The following STX11 variants were observed in gnomAD, a reference collection of about 807,000 sequenced individuals.
STX11 encodes syntaxin 11.
A neutral mutation model predicts 19.9 loss-of-function variants in STX11; 21 were observed. The observed-to-expected ratio is 1.06, with a 90% CI of 0.75 to 1.52. The LOEUF (loss-of-function observed/expected upper bound fraction) is 1.52. STX11 is among the 40% of genes most tolerant of loss of function. The pLI is 0.00. For missense variants in STX11, 438 were observed against 405.9 expected, an observed-to-expected ratio of 1.08 and a Z score of -0.68; for synonymous variants, 193 against 174.4, an observed-to-expected ratio of 1.11 and a Z score of -0.84.
At position 144,165,683 on chromosome 6, in the gene STX11, C is replaced by T. The variant is rs1352446946; in HGVS notation, c.-6+14980C>T. On this transcript the variant is annotated intron_variant, in intron 1 of 1. Coordinates refer to ENST00000367568, the MANE Select transcript of STX11 (RefSeq NM_003764.4). The surrounding 1 kb of genome is among the most constrained non-coding windows in gnomAD (Gnocchi z 5.8). ...ATCATTTTAGATCGTATCATCTGCA[C>T]ATGCTTCCAAAGGAGTGGTACTTAT... Among the ~76,000 whole-genome samples the T allele has an allele frequency of 2.0e-5, 3 of 152,186 alleles. No individual in the cohort carries two copies. The highest frequency in any genetic ancestry group is 4.4e-5 in the Non-Finnish European group (3 of 68,036).
rs1801911228 is a variant in STX11, at chr6:144,181,541, G to A, written c.-5-5082G>A. On this transcript the variant is annotated intron_variant, in intron 1 of 1. Coordinates refer to ENST00000367568, the MANE Select transcript of STX11 (RefSeq NM_003764.4). ...ACCCGGGAGGCAGAGGTTACAGTGA[G>A]CCGAGATAGTACCACTGCACTCCAG... Among the ~76,000 whole-genome samples the A allele has an allele frequency of 2.1e-5, 3 of 142,970 alleles. 1 individual carries two copies. The highest frequency in any genetic ancestry group is 4.4e-4 in the South Asian group (2 of 4,574). The allele number at this position is 142,970 out of a possible 152,430, so 93.8% of individuals were successfully genotyped here.
intron 1 of STX11, among the ~76,000 whole-genome samples, chr6:144,166,001 T>C (rs13362791): frequency 0.044 from 6,679 of 152,282 alleles, 451 homozygotes; most frequent in African/African-American, 0.14. Context: ...TTCTCCTACA[T>C]GGCATTTGCT....
chr6:144,189,818 A>T lies in STX11; in HGVS notation c.*2327A>T, dbSNP rs1440337339. 1.3e-5 allele frequency among the ~76,000 whole-genome samples: 2 copies of T among 152,216 alleles called. No individual in the cohort carries two copies. The highest frequency in any genetic ancestry group is 2.9e-5 in the Non-Finnish European group (2 of 68,040). Reference sequence around the variant, plus strand: ...ATTTCTTTTTCAGCCAACTCCAAGGATATGTATCACCTTTGACTTAATTTG... The same window carrying T: ...ATTTCTTTTTCAGCCAACTCCAAGGTTATGTATCACCTTTGACTTAATTTG... On this transcript the variant is annotated 3_prime_UTR_variant, in exon 2 of 2. Transcript: ENST00000367568.
rs1043324194 is a variant in STX11, at chr6:144,180,567, GCCA to G, written c.-5-6051_-5-6049del. On this transcript the variant is annotated intron_variant, in intron 1 of 1. Transcript: ENST00000367568. This position sits in a 1 kb window ranked among gnomAD's most constrained non-coding sequence, Gnocchi z 5.3. ...TTTTGCTCCTTCCTCATTTTCTCTT[GCCA>G]CCACAATGTAAGAAGTGCCTTTCAC... Among the ~76,000 whole-genome samples, 3 of 152,056 alleles carry G rather than the reference GCCA, an allele frequency of 2.0e-5. No individual in the cohort carries two copies. The highest frequency in any genetic ancestry group is 7.2e-5 in the African/African-American group (3 of 41,406).
rs1195824346 is a variant in STX11 at position 144,150,612 on chromosome 6, A to G, written c.-97A>G. ...GGAGCGGAGCCGCCGGGAGTCGCGC[A>G]ACAGGTTTCCTTCTCCATCGCTGCG... On this transcript the variant is annotated 5_prime_UTR_variant, in exon 1 of 2. Coordinates refer to ENST00000367568, the MANE Select transcript of STX11 (RefSeq NM_003764.4). 1.0e-6 allele frequency: 1 copy of G among 985,112 alleles called. No homozygotes were observed. Among genetic ancestry groups the G allele is most frequent in the Admixed American group, 6.1e-5 (1 of 16,262 alleles). 61.0% of individuals were successfully genotyped at this position (985,112 alleles called of 1,614,324 possible).
At chr6:144,181,113 A>G (rs1342724285) in intron 1 of STX11, among the ~76,000 whole-genome samples, 2 of 152,146 alleles carry the variant, frequency 1.3e-5, no homozygotes, top group Non-Finnish European at 2.9e-5. Flanking sequence ...TTTTCAGCTG[A>G]CTTTCTTATT....
chr6:144,172,911 A>G lies in STX11; in HGVS notation c.-5-13712A>G, dbSNP rs1048464340. Among the ~76,000 whole-genome samples, 9 of 151,900 alleles carry G rather than the reference A, an allele frequency of 5.9e-5. No homozygotes were observed. The highest frequency in any genetic ancestry group is 2.1e-4 in the South Asian group (1 of 4,828). ...AAAAAAAAAAAGAGCCATTAACAGG[A>G]TACATATGACAACCACTGGTCCATA... On this transcript the variant is annotated intron_variant, in intron 1 of 1. Coordinates refer to ENST00000367568, the MANE Select transcript of STX11 (RefSeq NM_003764.4). This position sits in a 1 kb window ranked among gnomAD's most constrained non-coding sequence, Gnocchi z 4.2.
At chr6:144,185,184 T>G (rs1297029209) in intron 1 of STX11, among the ~76,000 whole-genome samples, 1 of 152,258 alleles carries the variant, frequency 6.6e-6, no homozygotes, top group Non-Finnish European at 1.5e-5. Flanking sequence ...ATGTAAATAA[T>G]GATCATGGTA....
the STX11 span, among the ~76,000 whole-genome samples, chr6:144,141,144 A>C: frequency 3.9e-5 from 6 of 152,252 alleles, no homozygotes; most frequent in African/African-American, 1.4e-4. Context: ...TTATGCAAAA[A>C]TCACAGTTGC....
chr6:144,173,249 G>A (rs1801690937), intron 1 of STX11, among the ~76,000 whole-genome samples: 1 of 152,184 alleles, frequency 6.6e-6, no homozygotes, highest in Non-Finnish European at 1.5e-5. Context: ...TAAAAACTTT[G>A]TGGATTTCCA....
chr6:144,173,851 T>A (rs967261807), intron 1 of STX11, among the ~76,000 whole-genome samples: 9 of 152,272 alleles, frequency 5.9e-5, no homozygotes, highest in Non-Finnish European at 8.8e-5. Flanking sequence ...GTTACATCAC[T>A]GCTTTTCACC....
chr6:144,186,785 A>G lies in STX11; in HGVS notation c.158A>G (p.Asp53Gly), dbSNP rs1439132422. Residue 53 changes from aspartate (D) to glycine (G), a missense_variant, in exon 2 of 2, where the codon GAT (aspartate) becomes GGT (glycine). Asp to Gly is a moderately conservative substitution (Grantham distance 94, BLOSUM62 -1). Coordinates refer to ENST00000367568, the MANE Select transcript of STX11 (RefSeq NM_003764.4). ...TACCGAGACATCCGGGACATTCAGGATGAAAACCAGCTGCTGGTGGCCGAC... is the reference window on the plus strand; with the variant it reads ...TACCGAGACATCCGGGACATTCAGGGTGAAAACCAGCTGCTGGTGGCCGAC... ...SLYRDIRDIQ[D>G]ENQLLVADVK... is the part of the protein sequence containing the mutation. 6.2e-7 allele frequency: 1 copy of G among 1,613,966 alleles called. No individual in the cohort carries two copies. Among genetic ancestry groups the G allele is most frequent in the South Asian group, 1.1e-5 (1 of 91,070 alleles).
intron 1 of STX11, among the ~76,000 whole-genome samples, chr6:144,157,155 G>C (rs528678412): frequency 3.2e-4 from 49 of 152,276 alleles, no homozygotes; most frequent in African/African-American, 1.2e-3. Flanking sequence ...AAGTGCTCTG[G>C]GCACAATACA....
chr6:144,140,214 ATATAT>A, the STX11 span, among the ~76,000 whole-genome samples: 1,664 of 85,116 alleles, frequency 0.02, 29 homozygotes, highest in East Asian at 0.041. Context: ...ATTCACATAT[ATATAT>A]ATATATATAT....
intron 1 of STX11, among the ~76,000 whole-genome samples, chr6:144,163,941 G>GTC (rs911975296): frequency 5.3e-5 from 8 of 151,842 alleles, no homozygotes; most frequent in East Asian, 1.9e-4. Context: ...GCAAGACCTT[G>GTC]TCTCTCTCTC....
At chr6:144,142,678 T>A in the STX11 span, among the ~76,000 whole-genome samples, 880 of 152,272 alleles carry the variant, frequency 5.8e-3, 42 homozygotes, top group East Asian at 0.11. Flanking sequence ...AAATTTCACA[T>A]GTTCTTACTC....
chr6:144,186,052 T>C, intron 1 of STX11, among the ~76,000 whole-genome samples: 1 of 143,430 alleles, frequency 7.0e-6, no homozygotes, highest in South Asian at 2.2e-4. Flanking sequence ...TTCTTCTTTT[T>C]TCTTTTTTTT....
chr6:144,146,363 T>A (rs1174748710), upstream of STX11, among the ~76,000 whole-genome samples: 1 of 152,148 alleles, frequency 6.6e-6, no homozygotes, highest in Admixed American at 6.5e-5. The surrounding 1 kb of genome is among the most constrained non-coding windows in gnomAD (Gnocchi z 4.4). Flanking sequence ...TCCAGAGAAA[T>A]TTATAAAACA....
chr6:144,170,420 CT>C lies in STX11; in HGVS notation c.-5-16197del, dbSNP rs942186941. On this transcript the variant is annotated intron_variant, in intron 1 of 1. Coordinates refer to ENST00000367568, the MANE Select transcript of STX11 (RefSeq NM_003764.4). This position sits in a 1 kb window ranked among gnomAD's most constrained non-coding sequence, Gnocchi z 4.7. ...TGCAGCTGAAGGGGGATGGGAGGGT[CT>C]TTTTTGCCTTGGGGACACTGAGTAA... Among the ~76,000 whole-genome samples, 16 of 151,986 alleles carry C rather than the reference CT, an allele frequency of 1.1e-4. No homozygotes were observed. The highest frequency in any genetic ancestry group is 3.6e-4 in the African/African-American group (15 of 41,354).
Sources: gnomAD v4.1 joint callset for allele counts (sites outside exome capture counted in the v4.1 genomes callset) on GRCh38, gnomAD v4.1.1 for gene constraint, Gnocchi (gnomAD v3.1) non-coding constraint, MANE v1.5 for transcripts, NCBI Gene and HGNC (gene_info 2026-07-23, HGNC 2026-07-21) for gene names.